The following LONP1 variants were observed in gnomAD, a reference collection of about 807,000 sequenced individuals.
LONP1 encodes lon protease homolog, mitochondrial.
In LONP1, 31 loss-of-function variants were observed where a neutral mutation model predicts 98.5. The observed-to-expected ratio is 0.31, with a 90% CI of 0.24 to 0.42. The LOEUF is 0.42. Ranked by LOEUF, LONP1 falls within the 20% of genes least tolerant of loss-of-function variation. The probability of loss-of-function intolerance (pLI) is 1.00; values close to 1 mark genes in which losing one functional copy is unlikely to be tolerated. For synonymous variants in LONP1, 781 were observed against 594.7 expected (o/e 1.31, Z -4.56); for missense variants, 1,336 against 1,350.6 (o/e 0.99, Z 0.17).
intron 8 of LONP1, among the ~76,000 whole-genome samples, chr19:5,703,953 G>C (rs879814354): frequency 4.6e-5 from 7 of 152,216 alleles, no homozygotes; most frequent in Admixed American, 4.6e-4. Flanking sequence ...CACTCGCTGG[G>C]AGACAGAAGA....
intron 4 of LONP1, among the ~76,000 whole-genome samples, chr19:5,711,380 G>C (rs1361670577): frequency 2.6e-5 from 4 of 152,248 alleles, no homozygotes; most frequent in African/African-American, 9.6e-5. Context: ...GATCAGGGTG[G>C]CCAACAGGCT....
At chr19:5,718,820 C>A (rs1046494509) in intron 1 of LONP1, among the ~76,000 whole-genome samples, 8 of 152,044 alleles carry the variant, frequency 5.3e-5, no homozygotes, top group Non-Finnish European at 1.0e-4. Context: ...TCCCTCCCCA[C>A]CCCCAAGGCT....
chr19:5,696,664 A>G lies in LONP1; in HGVS notation c.1773+6T>C, dbSNP rs747368479. 4 of 1,612,864 alleles carry G rather than the reference A, an allele frequency of 2.5e-6. No individual in the cohort carries two copies. Among genetic ancestry groups the G allele is most frequent in the Non-Finnish European group, 2.5e-6 (3 of 1,179,442 alleles). On this transcript the variant is annotated splice_donor_region_variant and intron_variant, in intron 11 of 17. Coordinates refer to ENST00000360614, the MANE Select transcript of LONP1 (RefSeq NM_004793.4). The stretch of plus-strand genomic sequence containing the variant: ...TTAGGGGGTCTCCGGGCCTCTCCGC[A>G]CGCACCTCGTCGATGAGGATCAGGG...
chr19:5,718,280 C>T (rs908988865), intron 1 of LONP1, among the ~76,000 whole-genome samples: 1 of 151,910 alleles, frequency 6.6e-6, no homozygotes, highest in Non-Finnish European at 1.5e-5. Flanking sequence ...GAGTTCGAGA[C>T]GAGCGTGGGC....
chr19:5,696,584 C>T (rs189905611), intron 11 of LONP1, 86 bp downstream of exon 11: 385 of 1,429,412 alleles, frequency 2.7e-4, no homozygotes, highest in East Asian at 1.0e-3. Flanking sequence ...TGAGTTGGCT[C>T]GGGGATCCTA....
At chr19:5,718,950 C>G (rs1431418723) in intron 1 of LONP1, among the ~76,000 whole-genome samples, 1 of 152,212 alleles carries the variant, frequency 6.6e-6, no homozygotes, top group East Asian at 1.9e-4. Flanking sequence ...TTCCCACCCT[C>G]CTAAGCCTCC....
chr19:5,704,028 A>G (rs1169283404), intron 8 of LONP1, among the ~76,000 whole-genome samples: 1 of 152,186 alleles, frequency 6.6e-6, no homozygotes, highest in East Asian at 1.9e-4. Context: ...ACATGGCAGC[A>G]GGGAACTGCA....
chr19:5,707,478 C>A (rs544806714), intron 6 of LONP1, among the ~76,000 whole-genome samples: 8 of 152,160 alleles, frequency 5.3e-5, no homozygotes, highest in African/African-American at 1.7e-4. Flanking sequence ...ATGAAGCCAC[C>A]GAAAGGCGGA....
intron 8 of LONP1, among the ~76,000 whole-genome samples, chr19:5,702,370 C>A (rs575813559): frequency 0.042 from 6,258 of 149,000 alleles, 143 homozygotes; most frequent in Middle Eastern, 0.082. Flanking sequence ...GTCAGCCCCC[C>A]GCCCGGCCAG....
chr19:5,706,083 C>T lies in LONP1; in HGVS notation c.1147-91G>A, dbSNP rs2055141030. ...GACGAAGGGGGACCCTCTGCTCCCC[C>T]AGGACTCAGAGAGAAAAGAAACGAA... On this transcript the variant is annotated intron_variant, in intron 7 of 17. Coordinates refer to ENST00000360614, the MANE Select transcript of LONP1 (RefSeq NM_004793.4). The T allele has an allele frequency of 2.5e-6, 2 of 812,900 alleles. No individual in the cohort carries two copies. Among genetic ancestry groups the T allele is most frequent in the African/African-American group, 3.4e-5 (2 of 58,810 alleles). 50.4% of individuals were successfully genotyped at this position (812,900 alleles called of 1,614,324 possible).
chr19:5,707,748 C>T lies in LONP1; in HGVS notation c.1011G>A (p.Ala337=), dbSNP rs149402772. The T allele has an allele frequency of 6.0e-5, 96 of 1,613,252 alleles. No individual in the cohort carries two copies. In the East Asian group the frequency reaches 9.1e-4, roughly 15 times the overall value. Reference sequence around the variant, plus strand: ...GCTCATGGGACTCGGCCCCGGTGAGCGCGGCGCCCATGTCGCTCAGGTAGA... The same window carrying T: ...GCTCATGGGACTCGGCCCCGGTGAGTGCGGCGCCCATGTCGCTCAGGTAGA... ...NPIYLSDMGA[A]LTGAESHELQ... is the part of the protein sequence containing the mutation. The change falls in exon 6 of 18, where the codon GCG becomes GCA. Residue 337 remains alanine (A), a synonymous_variant. Coordinates refer to ENST00000360614, the MANE Select transcript of LONP1 (RefSeq NM_004793.4).
In LONP1 at chr19:5,691,992, CAG is replaced by C. The variant is rs765061902; in HGVS notation, c.*38_*39del. 1 of 1,589,470 alleles carries C rather than the reference CAG, an allele frequency of 6.3e-7. No individual in the cohort carries two copies. Among genetic ancestry groups the C allele is most frequent in the Non-Finnish European group, 8.6e-7 (1 of 1,166,972 alleles). On this transcript the variant is annotated 3_prime_UTR_variant, in exon 18 of 18. Coordinates refer to ENST00000360614, the MANE Select transcript of LONP1 (RefSeq NM_004793.4). The stretch of plus-strand genomic sequence containing the variant: ...CCACAGCGCTCAGTTCTGGCCCAGA[CAG>C]GGCCTGACATCCGCCGCCTGCAGTC...
intron 10 of LONP1, among the ~76,000 whole-genome samples, chr19:5,697,169 C>T (rs1309234919): frequency 6.6e-6 from 1 of 152,112 alleles, no homozygotes; most frequent in Non-Finnish European, 1.5e-5. Context: ...CTGTGCTCTG[C>T]CCCAGCACAG....
chr19:5,713,151 G>A lies in LONP1; in HGVS notation c.621C>T (p.Ile207=), dbSNP rs765125145. ...MQDLGDKLRM[I]VMGHRRVHIS... ...CCACCCACCTTCTGTGTCCCATGAC[G>A]ATCATGCGCAGCTTGTCCCCAAGGT... Residue 207 remains isoleucine, a synonymous_variant, in exon 3 of 18, where the codon ATC becomes ATT. Coordinates refer to ENST00000360614, the MANE Select transcript of LONP1 (RefSeq NM_004793.4). 1.9e-5 allele frequency: 31 copies of A among 1,613,628 alleles called. No individual in the cohort carries two copies. The highest frequency in any genetic ancestry group is 2.4e-5 in the Non-Finnish European group (28 of 1,179,846).
intron 15 of LONP1, 138 bp from the exon 16 acceptor site, chr19:5,693,907 C>G: frequency 1.4e-6 from 1 of 719,996 alleles, no homozygotes; most frequent in Non-Finnish European, 2.3e-6. Context: ...GGTGTCCCAT[C>G]GTGAGCCAAC....
intron 8 of LONP1, among the ~76,000 whole-genome samples, chr19:5,703,279 G>A (rs764839923): frequency 1.2e-4 from 19 of 152,280 alleles, no homozygotes; most frequent in Non-Finnish European, 2.6e-4. Flanking sequence ...CTCATCAGGA[G>A]AGCCAAGACG....
chr19:5,707,863 C>G, intron 5 of LONP1, 37 bp from the exon 6 acceptor site: 2 of 1,608,900 alleles, frequency 1.2e-6, no homozygotes, highest in Non-Finnish European at 1.7e-6. Context: ...TGGCCAGGGC[C>G]TCACGCTCTG....
chr19:5,702,438 G>A (rs1206372211), intron 8 of LONP1, among the ~76,000 whole-genome samples: 1 of 151,560 alleles, frequency 6.6e-6, no homozygotes, highest in Non-Finnish European at 1.5e-5. Flanking sequence ...TGGGAAGTGA[G>A]GAGCCCCTCT....
chr19:5,715,747 T>C (rs1178117150), intron 1 of LONP1, among the ~76,000 whole-genome samples: 1 of 129,332 alleles, frequency 7.7e-6, no homozygotes, highest in East Asian at 2.7e-4. Flanking sequence ...AACCTCCACC[T>C]CCCAGGTTCA....
Sources: allele counts gnomAD v4.1 joint callset (sites outside exome capture counted in the v4.1 genomes callset), GRCh38; gene constraint gnomAD v4.1.1; transcripts MANE v1.5; gene names NCBI Gene and HGNC (gene_info 2026-07-23, HGNC 2026-07-21).